Variants in ANO4 observed in about 807,000 individuals in gnomAD.
The protein encoded by ANO4 is anoctamin-4.
Under a neutral mutation model 141.9 loss-of-function variants are expected in ANO4, and 69 were observed. That is an observed-to-expected ratio of 0.49 (90% CI 0.40 to 0.59). ANO4 has a LOEUF of 0.59. Ranked by LOEUF, ANO4 falls within the 20% of genes least tolerant of loss-of-function variation. The pLI, the probability that ANO4 is intolerant of heterozygous loss-of-function variation, is 0.00. For synonymous variants in ANO4, 350 were observed against 394.3 expected, an observed-to-expected ratio of 0.89 and a Z score of 1.33; for missense variants, 894 against 1,162.2, an observed-to-expected ratio of 0.77 and a Z score of 3.36.
At chr12:101,005,024 G>A (rs937799329) in intron 8 of ANO4, among the ~76,000 whole-genome samples, 3 of 152,160 alleles carry the variant, frequency 2.0e-5, no homozygotes, top group African/African-American at 4.8e-5. Context: ...GACAGAGATG[G>A]ATCTGTCCAT....
At chr12:101,107,131 C>A (rs1056804772) in intron 22 of ANO4, among the ~76,000 whole-genome samples, 3 of 152,100 alleles carry the variant, frequency 2.0e-5, no homozygotes, top group African/African-American at 7.2e-5. Context: ...ACTCTAGTTG[C>A]TTTTTCTGTC....
chr12:101,050,983 C>T (rs903151006), intron 14 of ANO4, among the ~76,000 whole-genome samples: 16 of 152,204 alleles, frequency 1.1e-4, no homozygotes, highest in African/African-American at 3.6e-4. Flanking sequence ...TCCTTACCCA[C>T]TTCAATATTT....
intron 1 of ANO4, among the ~76,000 whole-genome samples, chr12:100,827,526 G>A (rs1479381356): frequency 6.6e-6 from 1 of 151,460 alleles, no homozygotes; most frequent in Non-Finnish European, 1.5e-5. Flanking sequence ...TTTCTGTTTT[G>A]TCTACTGCTA....
At chr12:100,718,005 C>T (rs2030692183) in intron 1 of ANO4, among the ~76,000 whole-genome samples, 1 of 152,106 alleles carries the variant, frequency 6.6e-6, no homozygotes, top group Admixed American at 6.5e-5. Context: ...ATCTCTCTGA[C>T]AGATGCTGTG....
intron 5 of ANO4, among the ~76,000 whole-genome samples, chr12:100,943,120 C>A (rs929282325): frequency 5.9e-5 from 9 of 152,120 alleles, no homozygotes; most frequent in African/African-American, 2.2e-4. Flanking sequence ...AGCTTCAAGG[C>A]AGAACTAAGT....
chr12:101,036,953 C>CT (rs886487660), intron 9 of ANO4, 142 bp from the exon 10 acceptor site: 1 of 663,258 alleles, frequency 1.5e-6, no homozygotes, highest in Non-Finnish European at 2.5e-6. Context: ...GGCAGCAGAG[C>CT]TTTTTTTCTA....
At chr12:100,718,687 A>C (rs930063449) in intron 1 of ANO4, among the ~76,000 whole-genome samples, 1 of 152,086 alleles carries the variant, frequency 6.6e-6, no homozygotes, top group Non-Finnish European at 1.5e-5. Context: ...GCAGATTACA[A>C]ATTTCAGTCT....
chr12:100,891,035 C>G (rs907385465), intron 1 of ANO4, among the ~76,000 whole-genome samples: 3 of 152,136 alleles, frequency 2.0e-5, no homozygotes, highest in African/African-American at 7.2e-5. Context: ...GTAGTTGGAA[C>G]TATGTAATAT....
chr12:101,071,760 G>A (rs570394770), intron 14 of ANO4, among the ~76,000 whole-genome samples: 81 of 152,196 alleles, frequency 5.3e-4, no homozygotes, highest in Non-Finnish European at 8.7e-4. Flanking sequence ...TTTCCATGAT[G>A]TGATTATAAT....
intron 2 of ANO4, among the ~76,000 whole-genome samples, chr12:100,911,588 A>AT (rs1433841744): frequency 2.0e-5 from 3 of 151,956 alleles, no homozygotes; most frequent in Admixed American, 2.0e-4. Context: ...TTCATCCTCC[A>AT]TTTTTTGGGT....
intron 2 of ANO4, among the ~76,000 whole-genome samples, chr12:100,911,954 A>G (rs917346740): frequency 3.9e-5 from 6 of 152,160 alleles, no homozygotes; most frequent in African/African-American, 1.2e-4. Context: ...AAGGGCTTTC[A>G]CAAATTTTTC....
intron 1 of ANO4, among the ~76,000 whole-genome samples, chr12:100,868,112 C>A (rs1300111591): frequency 6.6e-6 from 1 of 152,136 alleles, no homozygotes; most frequent in Non-Finnish European, 1.5e-5. Flanking sequence ...TAAGTCTAGA[C>A]CCACAGCTAA....
At chr12:101,093,421 A>G (rs535824086) in intron 17 of ANO4, among the ~76,000 whole-genome samples, 4 of 152,294 alleles carry the variant, frequency 2.6e-5, no homozygotes, top group South Asian at 2.1e-4. Context: ...AGCCTGGGCA[A>G]TTTTAACCAG....
intron 1 of ANO4, among the ~76,000 whole-genome samples, chr12:100,885,295 G>A (rs1003067069): frequency 5.9e-5 from 9 of 152,206 alleles, no homozygotes; most frequent in African/African-American, 1.2e-4. Context: ...CCACACAACC[G>A]ACATTCAGTG....
At chr12:100,821,740 C>G (rs2036064656) in intron 1 of ANO4, among the ~76,000 whole-genome samples, 1 of 151,992 alleles carries the variant, frequency 6.6e-6, no homozygotes, top group Non-Finnish European at 1.5e-5. Flanking sequence ...TTTAGGTAAG[C>G]CTTCCATTAT....
At chr12:100,732,190 C>T (rs567440983) in intron 1 of ANO4, among the ~76,000 whole-genome samples, 97 of 152,258 alleles carry the variant, frequency 6.4e-4, no homozygotes, top group Non-Finnish European at 7.9e-4. Context: ...AATGGCTGTA[C>T]CATTTTGTAT....
chr12:100,996,288 GA>G lies in ANO4; in HGVS notation c.734+8624del, dbSNP rs534107921. On this transcript the variant is annotated intron_variant, in intron 8 of 27. Transcript: ENST00000392977. ...TTCTATGCTGTGAGCTAGGGCATAAGAAAAAAGTCTAGAGAATAACAAAATG... is the reference window on the plus strand; with the variant it reads ...TTCTATGCTGTGAGCTAGGGCATAAGAAAAAGTCTAGAGAATAACAAAATG... Among the ~76,000 whole-genome samples the G allele has an allele frequency of 2.6e-5, 4 of 152,252 alleles. No homozygotes were observed. In the South Asian group the frequency reaches 6.2e-4, roughly 24 times the overall value.
chr12:100,937,745 G>C (rs184943841), intron 3 of ANO4, among the ~76,000 whole-genome samples: 175 of 152,246 alleles, frequency 1.1e-3, no homozygotes, highest in African/African-American at 3.8e-3. Context: ...CTCTCTGGAG[G>C]CTCCAGGGGA....
intron 24 of ANO4, among the ~76,000 whole-genome samples, chr12:101,113,318 A>T (rs1275900468): frequency 6.6e-6 from 1 of 152,182 alleles, no homozygotes; most frequent in Non-Finnish European, 1.5e-5. Context: ...CAAAATGGGA[A>T]CCTTTATGCA....
Sources: gnomAD v4.1 joint callset for allele counts (sites outside exome capture counted in the v4.1 genomes callset) on GRCh38, gnomAD v4.1.1 for gene constraint, MANE v1.5 for transcripts, NCBI Gene and HGNC (gene_info 2026-07-23, HGNC 2026-07-21) for gene names.